The following RALGPS1 variants were observed in gnomAD, a reference collection of about 807,000 sequenced individuals.
The protein encoded by RALGPS1 is Ral GEF with PH domain and SH3 binding motif 1, also known as ras-specific guanine nucleotide-releasing factor RalGPS1.
A neutral mutation model predicts 78.8 loss-of-function variants in RALGPS1; 19 were observed. The observed-to-expected ratio is 0.24, with a 90% CI of 0.17 to 0.35. The LOEUF (loss-of-function observed/expected upper bound fraction) is 0.35. Among genes scored for constraint, RALGPS1 ranks in the 10% least tolerant of loss-of-function variants. The pLI is 1.00. For missense variants in RALGPS1, 454 were observed against 688.3 expected, an observed-to-expected ratio of 0.66 and a Z score of 3.81; for synonymous variants, 228 against 256.3, an observed-to-expected ratio of 0.89 and a Z score of 1.06.
intron 8 of RALGPS1, among the ~76,000 whole-genome samples, chr9:127,102,421 C>T (rs746626794): frequency 1.3e-5 from 2 of 152,064 alleles, no homozygotes; most frequent in Non-Finnish European, 2.9e-5. Flanking sequence ...ATTTGTATGA[C>T]CAGTTAGCTG....
intron 8 of RALGPS1, among the ~76,000 whole-genome samples, chr9:127,125,524 T>C (rs1449395179): frequency 1.3e-5 from 2 of 152,208 alleles, no homozygotes; most frequent in Non-Finnish European, 2.9e-5. Context: ...TTGAGTAAGA[T>C]GATGGGGCTG....
chr9:126,933,080 G>A (rs1296533757), intron 1 of RALGPS1, among the ~76,000 whole-genome samples: 1 of 152,202 alleles, frequency 6.6e-6, no homozygotes, highest in East Asian at 1.9e-4. Context: ...CCGGAGGGCT[G>A]AGAAGAATGA....
At chr9:127,199,565 T>TCTGCCTCCCTCGAGGATCCCC (rs1163324472) in intron 14 of RALGPS1, among the ~76,000 whole-genome samples, 1 of 152,056 alleles carries the variant, frequency 6.6e-6, no homozygotes. Flanking sequence ...CGAGGATCCC[T>TCTGCCTCCCTCGAGGATCCCC]CTGCCTCCCT....
At chr9:127,141,058 G>A (rs1048918937) in intron 8 of RALGPS1, among the ~76,000 whole-genome samples, 5 of 152,246 alleles carry the variant, frequency 3.3e-5, no homozygotes, top group Admixed American at 2.6e-4. Context: ...GGTGGGTGAC[G>A]TGGAGAGGGC....
intron 8 of RALGPS1, among the ~76,000 whole-genome samples, chr9:127,076,580 A>G (rs891643951): frequency 2.6e-5 from 4 of 152,214 alleles, no homozygotes; most frequent in African/African-American, 7.2e-5. Flanking sequence ...AATCAAGACA[A>G]ATTTTTCCAA....
At chr9:127,177,516 A>G (rs2059948925) in intron 11 of RALGPS1, among the ~76,000 whole-genome samples, 1 of 151,932 alleles carries the variant, frequency 6.6e-6, no homozygotes, top group Non-Finnish European at 1.5e-5. Flanking sequence ...CTGCCCCACT[A>G]TCTCCTCCCT....
intron 8 of RALGPS1, among the ~76,000 whole-genome samples, chr9:127,137,975 A>G (rs1404000540): frequency 1.3e-5 from 2 of 152,186 alleles, no homozygotes; most frequent in African/African-American, 4.8e-5. Context: ...AGCCACTAAT[A>G]TCAGTATGAT....
intron 10 of RALGPS1, among the ~76,000 whole-genome samples, chr9:127,171,958 A>T (rs1489809575): frequency 2.6e-5 from 4 of 152,174 alleles, no homozygotes; most frequent in Non-Finnish European, 5.9e-5. Context: ...ATTACCACAT[A>T]GTCCAAGTCT....
intron 11 of RALGPS1, among the ~76,000 whole-genome samples, chr9:127,191,984 A>T (rs1041678278): frequency 1.3e-5 from 2 of 152,208 alleles, no homozygotes; most frequent in African/African-American, 4.8e-5. Context: ...GGCGTGAGCC[A>T]CGGCGCCCGG....
In RALGPS1 at chr9:127,091,152, T is replaced by G. The variant is rs1450258490; in HGVS notation, c.610+21796T>G. Among the ~76,000 whole-genome samples the G allele has an allele frequency of 6.6e-6, 1 of 152,246 alleles. No homozygotes were observed. Among genetic ancestry groups the G allele is most frequent in the African/African-American group, 2.4e-5 (1 of 41,470 alleles). On this transcript the variant is annotated intron_variant, in intron 8 of 18. Coordinates refer to ENST00000259351, the MANE Select transcript of RALGPS1 (RefSeq NM_014636.3). This position sits in a 1 kb window ranked among gnomAD's most constrained non-coding sequence, Gnocchi z 4.3. ...TCCTAGACAAAGCACTTTAGGTACA[T>G]TCTCTCTACCCTTCTCCCTACTCTG...
At chr9:127,016,572 A>G (rs981488380) in intron 4 of RALGPS1, 3 of 152,112 alleles carry the variant, frequency 2.0e-5, no homozygotes, top group Non-Finnish European at 2.9e-5. Flanking sequence ...TTTTGTATTT[A>G]TTTCATTCTA....
intron 18 of RALGPS1, among the ~76,000 whole-genome samples, chr9:127,215,827 A>T (rs1044130421): frequency 6.6e-6 from 1 of 152,202 alleles, no homozygotes; most frequent in Non-Finnish European, 1.5e-5. Context: ...CTAAGTGTCC[A>T]TGTGTGTTTT....
Position 127,218,513 on chromosome 9 carries a change from G to T in RALGPS1, c.1645-227G>T, listed in dbSNP as rs372238086. On this transcript the variant is annotated intron_variant, in intron 18 of 18. Transcript: ENST00000259351. This position sits in a 1 kb window ranked among gnomAD's most constrained non-coding sequence, Gnocchi z 4.4. Reference sequence around the variant, plus strand: ...GATCCCAGTGCCTGCCCCAGGGGTTGAAGTGAGGACTCAAGAACGCAGTGC... The same window carrying T: ...GATCCCAGTGCCTGCCCCAGGGGTTTAAGTGAGGACTCAAGAACGCAGTGC... Among the ~76,000 whole-genome samples, 1 of 152,218 alleles carries T rather than the reference G, an allele frequency of 6.6e-6. No individual in the cohort carries two copies. Among genetic ancestry groups the T allele is most frequent in the South Asian group, 2.1e-4 (1 of 4,834 alleles).
chr9:127,018,859 A>G (rs564642108), intron 4 of RALGPS1, among the ~76,000 whole-genome samples: 1 of 152,214 alleles, frequency 6.6e-6, no homozygotes, highest in South Asian at 2.1e-4. Context: ...TTCTATGACT[A>G]CGGCATCACT....
intron 8 of RALGPS1, among the ~76,000 whole-genome samples, chr9:127,117,966 G>T (rs978034543): frequency 2.1e-4 from 32 of 152,366 alleles, no homozygotes; most frequent in African/African-American, 7.5e-4. Context: ...CTGAGGCTCT[G>T]GGGCTGCTGG....
At chr9:127,181,377 A>C (rs561671846) in intron 11 of RALGPS1, among the ~76,000 whole-genome samples, 1 of 152,302 alleles carries the variant, frequency 6.6e-6, no homozygotes, top group South Asian at 2.1e-4. Flanking sequence ...GGCCAATGTC[A>C]TCCCCATTCT....
intron 8 of RALGPS1, among the ~76,000 whole-genome samples, chr9:127,070,464 G>A (rs1005468779): frequency 1.3e-5 from 2 of 152,138 alleles, no homozygotes; most frequent in African/African-American, 2.4e-5. Flanking sequence ...ATGCAAAAAC[G>A]TATGCCTTTT....
At chr9:127,000,648 A>C (rs913537131) in intron 4 of RALGPS1, among the ~76,000 whole-genome samples, 1 of 144,052 alleles carries the variant, frequency 6.9e-6, no homozygotes, top group Non-Finnish European at 1.5e-5. Flanking sequence ...TCCCAGGTTC[A>C]AGCGATTCTC....
At chr9:127,197,914 A>C (rs924145416) in intron 13 of RALGPS1, among the ~76,000 whole-genome samples, 2 of 152,174 alleles carry the variant, frequency 1.3e-5, no homozygotes, top group African/African-American at 4.8e-5. Flanking sequence ...GGAGTGTCCA[A>C]TGGGACCTGG....
Sources: allele counts gnomAD v4.1 joint callset (sites outside exome capture counted in the v4.1 genomes callset), GRCh38; gene constraint gnomAD v4.1.1; non-coding constraint Gnocchi (gnomAD v3.1); transcripts MANE v1.5; gene names NCBI Gene and HGNC (gene_info 2026-07-23, HGNC 2026-07-21).